Variants in GYPC observed in about 807,000 individuals in gnomAD.
GYPC encodes the protein glycophorin-C.
Under a neutral mutation model 12.6 loss-of-function variants are expected in GYPC, and 14 were observed. The observed-to-expected ratio is 1.11, with a 90% CI of 0.74 to 1.74. The LOEUF (loss-of-function observed/expected upper bound fraction) is 1.74. Among genes scored for constraint, GYPC ranks in the 40% most tolerant of loss-of-function variants. The probability of loss-of-function intolerance (pLI) is 0.00; values close to 1 mark genes in which losing one functional copy is unlikely to be tolerated. For missense variants in GYPC, 225 were observed against 172.1 expected (o/e 1.31, Z -1.72); for synonymous variants, 78 against 62.1 (o/e 1.26, Z -1.20).
chr2:126,675,629 T>C (rs1031581491), intron 1 of GYPC: 1 of 957,832 alleles, frequency 1.0e-6, no homozygotes, highest in Non-Finnish European at 1.2e-6. Context: ...TTCAAAACTC[T>C]AGAGAATCCC....
rs757568151 is a variant in GYPC, at chr2:126,656,294, G to C, written c.31G>C (p.Ala11Pro). ...GTCGACGAGAAGCCCCAACAGCACG[G>C]CGTGGCCTCTCAGCCTCGGTGAGTA... is the stretch of plus-strand genomic sequence containing the variant. Reference protein sequence around the residue: MWSTRSPNSTAWPLSLEPDPG... With the variant: MWSTRSPNSTPWPLSLEPDPG... Residue 11 changes from alanine (A) to proline (P), a missense_variant, in exon 1 of 4, where the codon GCG (alanine) becomes CCG (proline). Physicochemically the swap from Ala to Pro is conservative, Grantham distance 27. Transcript: ENST00000259254. The C allele has an allele frequency of 6.3e-7, 1 of 1,599,608 alleles. No homozygotes were observed. The highest frequency in any genetic ancestry group is 8.5e-7 in the Non-Finnish European group (1 of 1,174,692).
At chr2:126,656,382 G>A (rs1682355857) in intron 1 of GYPC, 70 bp downstream of exon 1, 2 of 1,364,670 alleles carry the variant, frequency 1.5e-6, no homozygotes, top group Non-Finnish European at 2.0e-6. Context: ...GCCAGGGGCC[G>A]AGCCACGGCC....
chr2:126,661,356 C>A (rs554190428), intron 1 of GYPC, among the ~76,000 whole-genome samples: 1 of 152,306 alleles, frequency 6.6e-6, no homozygotes, highest in South Asian at 2.1e-4. Context: ...GTTCTGCTGG[C>A]GTCACCACCC....
In GYPC at chr2:126,696,311, G is replaced by C. The variant is rs752374676; in HGVS notation, c.*169G>C. On this transcript the variant is annotated 3_prime_UTR_variant, in exon 4 of 4. Transcript: ENST00000259254. ...GGTGCCTGCCCAGGGAGGAACGGAG[G>C]AGGACTCGCGCTACAAGAGGCCACT... is the stretch of plus-strand genomic sequence containing the variant. 1.5e-6 allele frequency: 1 copy of C among 661,818 alleles called. No individual in the cohort carries two copies. Among genetic ancestry groups the C allele is most frequent in the African/African-American group, 1.8e-5 (1 of 56,188 alleles). 41.0% of individuals were successfully genotyped at this position (661,818 alleles called of 1,614,324 possible).
chr2:126,680,064 C>A (rs897592668), intron 1 of GYPC: 2 of 152,120 alleles, frequency 1.3e-5, no homozygotes, highest in African/African-American at 2.4e-5. Flanking sequence ...GTTCCGAGGC[C>A]ATAGTATTAA....
intron 2 of GYPC, among the ~76,000 whole-genome samples, chr2:126,693,333 G>A (rs1011604640): frequency 2.0e-5 from 3 of 152,152 alleles, no homozygotes; most frequent in Non-Finnish European, 1.5e-5. Flanking sequence ...TTTTTGCCAT[G>A]AGTGGGAGTA....
chr2:126,682,605 G>A (rs911581270), intron 1 of GYPC, among the ~76,000 whole-genome samples: 6 of 152,210 alleles, frequency 3.9e-5, no homozygotes, highest in Non-Finnish European at 7.4e-5. Flanking sequence ...TTCCACTTCC[G>A]CTGTGAAGAT....
intron 1 of GYPC, among the ~76,000 whole-genome samples, chr2:126,682,442 C>T (rs566278273): frequency 1.9e-4 from 29 of 152,260 alleles, no homozygotes; most frequent in East Asian, 5.8e-4. Context: ...ACAGGGGACA[C>T]GCAGAAGGAA....
intron 1 of GYPC, among the ~76,000 whole-genome samples, chr2:126,659,307 G>A (rs917993093): frequency 5.9e-5 from 9 of 152,194 alleles, no homozygotes; most frequent in Non-Finnish European, 1.2e-4. Context: ...CCACCCCCGT[G>A]AGGAAACGTG....
intron 1 of GYPC, among the ~76,000 whole-genome samples, chr2:126,689,516 G>A (rs501866): frequency 0.6 from 87,009 of 146,044 alleles, 26,646 homozygotes; most frequent in African/African-American, 0.73. Flanking sequence ...ACCTAGTGGG[G>A]GATAGTTGAG....
intron 1 of GYPC, among the ~76,000 whole-genome samples, chr2:126,659,300 C>T (rs1259546559): frequency 6.6e-6 from 1 of 152,168 alleles, no homozygotes; most frequent in African/African-American, 2.4e-5. Flanking sequence ...CAGCACCCCA[C>T]CCCCGTGAGG....
intron 1 of GYPC, among the ~76,000 whole-genome samples, chr2:126,680,900 G>T (rs7563006): frequency 0.16 from 24,351 of 152,128 alleles, 2,534 homozygotes; most frequent in East Asian, 0.42. Context: ...GCCTGCTCAC[G>T]GGAGACACCG....
intron 1 of GYPC, among the ~76,000 whole-genome samples, chr2:126,660,346 G>A (rs1371476287): frequency 6.6e-6 from 1 of 152,204 alleles, no homozygotes; most frequent in East Asian, 1.9e-4. Flanking sequence ...GGCTCGGGGT[G>A]GCCCTCGAGC....
chr2:126,658,427 G>A (rs1682432514), intron 1 of GYPC: 1 of 152,306 alleles, frequency 6.6e-6, no homozygotes, highest in African/African-American at 2.4e-5. Context: ...TGAGTAGGAA[G>A]AGGTCCCCTC....
At chr2:126,659,780 CTTTTTTTTT>C (rs1203132482) in intron 1 of GYPC, among the ~76,000 whole-genome samples, 11 of 137,900 alleles carry the variant, frequency 8.0e-5, no homozygotes, top group Non-Finnish European at 1.4e-4. Context: ...TCTTTCTTTT[CTTTTTTTTT>C]TTTTTTTTGA....
intron 1 of GYPC, among the ~76,000 whole-genome samples, chr2:126,660,124 G>A (rs1014739786): frequency 2.6e-5 from 4 of 152,308 alleles, no homozygotes; most frequent in Admixed American, 6.5e-5. Flanking sequence ...GGGTATGTGG[G>A]CCCACAGCTT....
At chr2:126,695,432 C>T (rs529966657) in intron 3 of GYPC, among the ~76,000 whole-genome samples, 3 of 152,294 alleles carry the variant, frequency 2.0e-5, no homozygotes, top group African/African-American at 7.2e-5. Context: ...AGTGCCACCA[C>T]ACAACAGGTT....
chr2:126,660,819 CCAAA>C (rs1682515951), intron 1 of GYPC, among the ~76,000 whole-genome samples: 1 of 152,112 alleles, frequency 6.6e-6, no homozygotes, highest in African/African-American at 2.4e-5. Context: ...GGAGTCAACC[CCAAA>C]CAAATTCTAA....
intron 2 of GYPC, among the ~76,000 whole-genome samples, chr2:126,691,994 T>C (rs963865527): frequency 9.2e-5 from 14 of 152,150 alleles, no homozygotes; most frequent in Admixed American, 1.3e-4. Context: ...CTAAATCCAT[T>C]CATTTATATA....
Sources: allele counts gnomAD v4.1 joint callset (sites outside exome capture counted in the v4.1 genomes callset), GRCh38; gene constraint gnomAD v4.1.1; transcripts MANE v1.5; gene names NCBI Gene and HGNC (gene_info 2026-07-23, HGNC 2026-07-21).